Variants in PLXDC2 observed in about 807,000 individuals in gnomAD.
PLXDC2 encodes the protein plexin domain-containing protein 2.
In PLXDC2, 40 loss-of-function variants were observed where a neutral mutation model predicts 68.9. That is an observed-to-expected ratio of 0.58 (90% CI 0.45 to 0.76). The LOEUF (loss-of-function observed/expected upper bound fraction) is 0.76. Ranked by LOEUF, PLXDC2 falls within the 30% of genes least tolerant of loss-of-function variation. The probability of loss-of-function intolerance (pLI) is 0.00; values close to 1 mark genes in which losing one functional copy is unlikely to be tolerated. For missense variants in PLXDC2, 644 were observed against 661.9 expected, an observed-to-expected ratio of 0.97 and a Z score of 0.30; for synonymous variants, 243 against 234.2, an observed-to-expected ratio of 1.04 and a Z score of -0.34.
At chr10:19,853,652 T>TGGG (rs10563076) in intron 1 of PLXDC2, among the ~76,000 whole-genome samples, 2 of 129,112 alleles carry the variant, frequency 1.5e-5, no homozygotes, top group Non-Finnish European at 3.5e-5. Flanking sequence ...CTGCTTTGGG[T>TGGG]GGGGGGGGGG....
intron 2 of PLXDC2, among the ~76,000 whole-genome samples, chr10:20,041,810 G>A (rs113220341): frequency 0.018 from 2,692 of 152,060 alleles, 76 homozygotes; most frequent in African/African-American, 0.061. Context: ...TCTGGCTTAT[G>A]GACAGCCTCC....
intron 1 of PLXDC2, among the ~76,000 whole-genome samples, chr10:19,932,757 A>G (rs1484839504): frequency 6.6e-6 from 1 of 152,182 alleles, no homozygotes; most frequent in East Asian, 1.9e-4. Context: ...AATTAAAAAA[A>G]CCACATTCTT....
intron 11 of PLXDC2, among the ~76,000 whole-genome samples, chr10:20,218,669 A>G (rs962754177): frequency 2.0e-5 from 3 of 152,058 alleles, no homozygotes; most frequent in Non-Finnish European, 4.4e-5. Context: ...ACAAATCTTA[A>G]CTGTCACAAT....
intron 2 of PLXDC2, among the ~76,000 whole-genome samples, chr10:20,008,320 C>T (rs551126888): frequency 1.4e-4 from 21 of 152,148 alleles, no homozygotes; most frequent in African/African-American, 2.6e-4. Flanking sequence ...TTTGGGAGGC[C>T]GAGGCAGGTG....
At chr10:20,184,257 G>A (rs1834649048) in intron 9 of PLXDC2, among the ~76,000 whole-genome samples, 1 of 151,146 alleles carries the variant, frequency 6.6e-6, no homozygotes, top group East Asian at 2.0e-4. Flanking sequence ...AATGAAAAGA[G>A]AAACAAAAAG....
At chr10:20,048,211 T>C (rs1246091830) in intron 3 of PLXDC2, among the ~76,000 whole-genome samples, 1 of 152,132 alleles carries the variant, frequency 6.6e-6, no homozygotes, top group Admixed American at 6.6e-5. Context: ...CTTGTTTATA[T>C]GTAGATGTTC....
intron 6 of PLXDC2, 48 bp from the exon 7 acceptor site, chr10:20,164,420 T>C: frequency 7.0e-7 from 1 of 1,433,698 alleles, no homozygotes; most frequent in Middle Eastern, 1.7e-4. Context: ...TTCCTCCCTG[T>C]ATGAAATTCA....
chr10:19,886,791 T>C (rs1203049024), intron 1 of PLXDC2, among the ~76,000 whole-genome samples: 1 of 152,156 alleles, frequency 6.6e-6, no homozygotes, highest in Admixed American at 6.5e-5. Context: ...AAATAAGATT[T>C]TTATGAGAAA....
chr10:20,022,551 A>G (rs575871723), intron 2 of PLXDC2, among the ~76,000 whole-genome samples: 4 of 152,274 alleles, frequency 2.6e-5, no homozygotes, highest in African/African-American at 9.6e-5. Flanking sequence ...TATCATGGGT[A>G]GCTTGATCCT....
At chr10:20,216,384 T>C (rs1196478130) in intron 10 of PLXDC2, among the ~76,000 whole-genome samples, 1 of 152,048 alleles carries the variant, frequency 6.6e-6, no homozygotes, top group Non-Finnish European at 1.5e-5. Context: ...AATAATTAGA[T>C]TAATGGGGCT....
rs564795003 is a variant in PLXDC2, at chr10:19,947,570, T to C, written c.113-54205T>C. Reference sequence around the variant, plus strand: ...TTGCTAATATTATTAGATCCACATTTCTTTTTGGAAAAAATTGACCTGTCT... The same window carrying C: ...TTGCTAATATTATTAGATCCACATTCCTTTTTGGAAAAAATTGACCTGTCT... On this transcript the variant is annotated intron_variant, in intron 1 of 13. Transcript: ENST00000377252. 1.6e-4 allele frequency among the ~76,000 whole-genome samples: 25 copies of C among 152,356 alleles called. No individual in the cohort carries two copies. The Middle Eastern group carries it at 0.014, about 83-fold the overall frequency.
At chr10:20,176,390 A>ATGTGTGTG (rs66825907) in intron 7 of PLXDC2, among the ~76,000 whole-genome samples, 91,014 of 149,238 alleles carry the variant, frequency 0.61, 28,193 homozygotes, top group Non-Finnish European at 0.68. Context: ...TCGCACAGTT[A>ATGTGTGTG]TGTGTGTGTG....
intron 12 of PLXDC2, among the ~76,000 whole-genome samples, chr10:20,229,442 C>T (rs16920135): frequency 0.14 from 19,163 of 141,186 alleles, 1,590 homozygotes; most frequent in African/African-American, 0.25. Flanking sequence ...TGTATGATTT[C>T]AACACTGAAT....
intron 4 of PLXDC2, among the ~76,000 whole-genome samples, chr10:20,138,185 C>T (rs1387915135): frequency 6.6e-6 from 1 of 152,176 alleles, no homozygotes; most frequent in African/African-American, 2.4e-5. Flanking sequence ...TTAATTCTTA[C>T]TGATATCAAT....
intron 4 of PLXDC2, among the ~76,000 whole-genome samples, chr10:20,072,493 G>GAGAAAGAAAGAAGAAAGAA (rs1836343711): frequency 2.5e-5 from 2 of 80,704 alleles, no homozygotes; most frequent in South Asian, 1.0e-3. Context: ...AAGAAAGAAA[G>GAGAAAGAAAGAAGAAAGAA]AGAAAGAAAG....
At chr10:20,189,303 G>C (rs1834728344) in intron 9 of PLXDC2, among the ~76,000 whole-genome samples, 1 of 149,906 alleles carries the variant, frequency 6.7e-6, no homozygotes, top group South Asian at 2.1e-4. Flanking sequence ...TAATAACAGG[G>C]CTTCCCTTTG....
chr10:20,163,042 G>C (rs898091521), intron 6 of PLXDC2, among the ~76,000 whole-genome samples: 2 of 151,744 alleles, frequency 1.3e-5, no homozygotes, highest in African/African-American at 4.8e-5. Context: ...GGGAGATGGA[G>C]TGAGACTGTC....
intron 12 of PLXDC2, among the ~76,000 whole-genome samples, chr10:20,226,063 A>G (rs1835282130): frequency 1.3e-5 from 2 of 152,220 alleles, no homozygotes; most frequent in Admixed American, 1.3e-4. Context: ...ATATTTGACC[A>G]AAAGAAGAAT....
chr10:20,150,949 G>A (rs1265442268), intron 6 of PLXDC2, among the ~76,000 whole-genome samples: 1 of 152,104 alleles, frequency 6.6e-6, no homozygotes, highest in African/African-American at 2.4e-5. Context: ...CAAATTTAAT[G>A]TTTTCTTGAT....
Sources: gnomAD v4.1 joint callset for allele counts (sites outside exome capture counted in the v4.1 genomes callset) on GRCh38, gnomAD v4.1.1 for gene constraint, MANE v1.5 for transcripts, NCBI Gene and HGNC (gene_info 2026-07-23, HGNC 2026-07-21) for gene names.